SHB: variants seen among roughly 807,000 people sequenced by gnomAD.
The protein encoded by SHB is SH2 domain containing adaptor protein B, also known as SH2 domain-containing adapter protein B.
SHB carries 20 observed loss-of-function variants against 52.3 expected under a neutral mutation model. The ratio of observed to expected loss-of-function variants is 0.38; its 90% CI spans 0.27 to 0.56. The LOEUF is 0.56. Among genes scored for constraint, SHB ranks in the 20% least tolerant of loss-of-function variants. SHB has a pLI of 0.71. For missense variants in SHB, 825 were observed against 723.3 expected (o/e 1.14, Z -1.61); for synonymous variants, 397 against 316.5 (o/e 1.25, Z -2.70).
chr9:38,001,157 C>T (rs1821008618), intron 2 of SHB, among the ~76,000 whole-genome samples: 1 of 152,180 alleles, frequency 6.6e-6, no homozygotes, highest in South Asian at 2.1e-4. Context: ...TCTTTTTCAG[C>T]AGCAGGCAAG....
chr9:37,947,999 T>C (rs1387833947), intron 5 of SHB, among the ~76,000 whole-genome samples: 1 of 152,256 alleles, frequency 6.6e-6, no homozygotes, highest in African/African-American at 2.4e-5. Flanking sequence ...TAAAACATGC[T>C]TTTCTTATTT....
chr9:37,978,594 T>C (rs1820683457), intron 2 of SHB, among the ~76,000 whole-genome samples: 1 of 152,300 alleles, frequency 6.6e-6, no homozygotes, highest in Admixed American at 6.5e-5. Context: ...AACGCAGGCT[T>C]TTTAAACAAG....
intron 2 of SHB, among the ~76,000 whole-genome samples, chr9:38,011,593 G>A (rs1292139412): frequency 6.6e-6 from 1 of 152,194 alleles, no homozygotes; most frequent in East Asian, 1.9e-4. Context: ...GGGAGCTCAG[G>A]GTTAATGCAG....
intron 2 of SHB, among the ~76,000 whole-genome samples, chr9:37,997,441 T>C (rs761527661): frequency 6.6e-6 from 1 of 152,192 alleles, no homozygotes; most frequent in Non-Finnish European, 1.5e-5. Flanking sequence ...CTCCAATTCC[T>C]TGGAAGCCTT....
intron 5 of SHB, among the ~76,000 whole-genome samples, chr9:37,939,955 G>A (rs542122926): frequency 3.5e-4 from 54 of 152,292 alleles, no homozygotes; most frequent in African/African-American, 1.0e-3. Context: ...AGCAGGTGGC[G>A]GGGCAGGATT....
At chr9:37,982,391 G>A (rs556198895) in intron 2 of SHB, among the ~76,000 whole-genome samples, 1 of 152,104 alleles carries the variant, frequency 6.6e-6, no homozygotes, top group East Asian at 1.9e-4. Flanking sequence ...TACTGGGAAG[G>A]CTGAGGCAGG....
rs1422464204 is a variant in SHB at position 37,917,377 on chromosome 9, A to G, written c.*2444T>C. ...CAGGAATACCCTAAGAGGCCAAGTC[A>G]GGGCCAGAGGGCACAGCTGCCAGCT... On this transcript the variant is annotated 3_prime_UTR_variant, in exon 6 of 6. Transcript: ENST00000377707. Among the ~76,000 whole-genome samples, 1 of 152,176 alleles carries G rather than the reference A, an allele frequency of 6.6e-6. No homozygotes were observed. The highest frequency in any genetic ancestry group is 1.5e-5 in the Non-Finnish European group (1 of 68,030).
At chr9:38,052,682 C>T (rs1291613669) in intron 1 of SHB, among the ~76,000 whole-genome samples, 2 of 152,152 alleles carry the variant, frequency 1.3e-5, no homozygotes, top group African/African-American at 4.8e-5. Context: ...CCTCAGGCTA[C>T]AGACATACAG....
chr9:38,037,813 G>A (rs1821508193), intron 1 of SHB, among the ~76,000 whole-genome samples: 1 of 152,204 alleles, frequency 6.6e-6, no homozygotes, highest in African/African-American at 2.4e-5. Flanking sequence ...ACATAGAGCA[G>A]AAGGAGTGGT....
chr9:37,952,328 A>T (rs1832575800), intron 4 of SHB, among the ~76,000 whole-genome samples: 1 of 152,186 alleles, frequency 6.6e-6, no homozygotes, highest in Non-Finnish European at 1.5e-5. Context: ...AATCGTGAAG[A>T]GCCAAAGAAA....
Position 37,919,919 on chromosome 9 carries a change from C to T in SHB, c.1432G>A (p.Val478Ile), listed in dbSNP as rs1832156256. Residue 478 changes from valine (V) to isoleucine (I), a missense_variant, in exon 6 of 6, where the codon GTC becomes ATC. Transcript: ENST00000377707. ...GTGTAGTAGTGGATGACTTCCGGGA[C>T]ACTGTCGAACGGAGGGCTGTTCTGA... is the stretch of plus-strand genomic sequence containing the variant. Reference protein sequence around the residue: ...LGQNSPPFDSVPEVIHYYTTR... With the variant: ...LGQNSPPFDSIPEVIHYYTTR... 1 of 1,613,982 alleles carries T rather than the reference C, an allele frequency of 6.2e-7. No homozygotes were observed. The highest frequency in any genetic ancestry group is 8.5e-7 in the Non-Finnish European group (1 of 1,179,926).
At chr9:37,991,003 T>G (rs1296558083) in intron 2 of SHB, among the ~76,000 whole-genome samples, 1 of 152,226 alleles carries the variant, frequency 6.6e-6, no homozygotes, top group Admixed American at 6.5e-5. Flanking sequence ...GAGGGAGATT[T>G]CACTTTTTAC....
chr9:37,986,037 T>C (rs1390769574), intron 2 of SHB, among the ~76,000 whole-genome samples: 1 of 151,938 alleles, frequency 6.6e-6, no homozygotes, highest in Non-Finnish European at 1.5e-5. Flanking sequence ...CGTCCTAGAG[T>C]GGTGTATGTA....
chr9:38,051,523 T>C (rs1340592119), intron 1 of SHB, among the ~76,000 whole-genome samples: 1 of 149,292 alleles, frequency 6.7e-6, no homozygotes, highest in Non-Finnish European at 1.5e-5. Context: ...CCGGGTTGAG[T>C]GTCTGCACTT....
At chr9:37,984,033 C>A (rs1460066601) in intron 2 of SHB, among the ~76,000 whole-genome samples, 1 of 152,232 alleles carries the variant, frequency 6.6e-6, no homozygotes, top group Non-Finnish European at 1.5e-5. Flanking sequence ...GTTTCTTCAT[C>A]TCTAGAGGGG....
At chr9:37,954,903 C>G (rs552208709) in intron 4 of SHB, among the ~76,000 whole-genome samples, 1 of 151,980 alleles carries the variant, frequency 6.6e-6, no homozygotes, top group South Asian at 2.1e-4. Flanking sequence ...AGGGGAGGGG[C>G]AATAAAGGGC....
At chr9:37,961,474 T>C (rs887006316) in intron 3 of SHB, among the ~76,000 whole-genome samples, 2 of 152,130 alleles carry the variant, frequency 1.3e-5, no homozygotes, top group African/African-American at 4.8e-5. Context: ...TGCTCCCCAG[T>C]GCCCCAAGAC....
At chr9:37,956,100 G>A (rs1054539033) in intron 3 of SHB, 46 bp from the exon 4 acceptor site, 3 of 1,529,600 alleles carry the variant, frequency 2.0e-6, no homozygotes, top group Non-Finnish European at 1.8e-6. Flanking sequence ...GCTCAGCCCA[G>A]GGAGCTACTG....
At chr9:38,000,844 T>TA (rs1211662624) in intron 2 of SHB, among the ~76,000 whole-genome samples, 1 of 152,212 alleles carries the variant, frequency 6.6e-6, no homozygotes, top group African/African-American at 2.4e-5. Flanking sequence ...AAAGCCTGGC[T>TA]TTTAGTCAGG....
Sources: allele counts gnomAD v4.1 joint callset (sites outside exome capture counted in the v4.1 genomes callset), GRCh38; gene constraint gnomAD v4.1.1; transcripts MANE v1.5; gene names NCBI Gene and HGNC (gene_info 2026-07-23, HGNC 2026-07-21).